The following ME3 variants were observed in gnomAD, a reference collection of about 807,000 sequenced individuals.
ME3 encodes NADP-dependent malic enzyme, mitochondrial.
Under a neutral mutation model 68.9 loss-of-function variants are expected in ME3, and 48 were observed. That is an observed-to-expected ratio of 0.70 (90% CI 0.55 to 0.89). ME3 has a LOEUF of 0.89. Ranked by LOEUF, ME3 falls within the 40% of genes least tolerant of loss-of-function variation. ME3 has a pLI of 0.00. For missense variants in ME3, 675 were observed against 797.4 expected, an observed-to-expected ratio of 0.85 and a Z score of 1.85; for synonymous variants, 320 against 318.8, an observed-to-expected ratio of 1.00 and a Z score of -0.04.
intron 4 of ME3, among the ~76,000 whole-genome samples, chr11:86,525,229 G>T (rs1954644813): frequency 1.3e-5 from 2 of 152,194 alleles, no homozygotes; most frequent in Admixed American, 6.5e-5. Flanking sequence ...CAATAGAGCA[G>T]TGACAATTAA....
intron 4 of ME3, among the ~76,000 whole-genome samples, chr11:86,548,317 A>C (rs1478839286): frequency 1.3e-5 from 2 of 152,230 alleles, no homozygotes; most frequent in African/African-American, 4.8e-5. Context: ...TATTTCAGCA[A>C]TGTGGGATCT....
intron 7 of ME3, among the ~76,000 whole-genome samples, chr11:86,465,826 C>T (rs1950449513): frequency 6.6e-6 from 1 of 152,170 alleles, no homozygotes; most frequent in South Asian, 2.1e-4. Context: ...GTAGAAGAAT[C>T]AGTTACTGAC....
chr11:86,538,611 C>T (rs1955842953), intron 4 of ME3, among the ~76,000 whole-genome samples: 1 of 152,148 alleles, frequency 6.6e-6, no homozygotes, highest in Admixed American at 6.5e-5. Context: ...CTTTCTTGGC[C>T]TCTTGGATTT....
At chr11:86,521,007 C>T (rs1954234143) in intron 4 of ME3, among the ~76,000 whole-genome samples, 1 of 152,192 alleles carries the variant, frequency 6.6e-6, no homozygotes, top group African/African-American at 2.4e-5. Flanking sequence ...GCTAGACAGA[C>T]CTGGGTTCAA....
intron 2 of ME3, among the ~76,000 whole-genome samples, chr11:86,646,339 G>C (rs1254723862): frequency 6.6e-6 from 1 of 152,188 alleles, no homozygotes. Context: ...AGAATAACCA[G>C]TTTAGAGAAG....
At chr11:86,671,326 C>T (rs745306941) in intron 2 of ME3, among the ~76,000 whole-genome samples, 35 of 152,202 alleles carry the variant, frequency 2.3e-4, no homozygotes, top group Non-Finnish European at 4.4e-5. Context: ...AGGCACTGTT[C>T]TAACGTACCC....
chr11:86,469,969 A>G (rs1482423690), intron 7 of ME3, among the ~76,000 whole-genome samples: 2 of 152,016 alleles, frequency 1.3e-5, no homozygotes, highest in East Asian at 3.9e-4. Context: ...CCCAGGCCAC[A>G]ACCAACAGTG....
At chr11:86,435,695 A>G in the ME3 span, 1 of 152,270 alleles carries the variant, frequency 6.6e-6, no homozygotes, top group African/African-American at 2.4e-5. Context: ...TTCTCAGAGA[A>G]CATCTATGGG....
chr11:86,532,141 A>G (rs1318919379), intron 4 of ME3, among the ~76,000 whole-genome samples: 1 of 152,204 alleles, frequency 6.6e-6, no homozygotes, highest in African/African-American at 2.4e-5. Context: ...AGATCATTAT[A>G]TAATGATAAA....
At chr11:86,552,371 T>TC (rs1956733932) in intron 4 of ME3, among the ~76,000 whole-genome samples, 1 of 152,088 alleles carries the variant, frequency 6.6e-6, no homozygotes, top group Non-Finnish European at 1.5e-5. Flanking sequence ...GGCTCCTGAG[T>TC]CCCCTCTGAC....
intron 2 of ME3, among the ~76,000 whole-genome samples, chr11:86,609,167 T>A (rs1410772082): frequency 1.3e-5 from 2 of 152,190 alleles, no homozygotes; most frequent in African/African-American, 4.8e-5. Context: ...AGGTTTATTC[T>A]CTTAAACACA....
chr11:86,649,397 C>G (rs1317129172), intron 2 of ME3, among the ~76,000 whole-genome samples: 1 of 152,194 alleles, frequency 6.6e-6, no homozygotes. Flanking sequence ...CCTTTGAAAA[C>G]TGGCACAAGA....
intron 7 of ME3, among the ~76,000 whole-genome samples, chr11:86,476,677 C>T (rs1403144014): frequency 6.6e-6 from 1 of 152,134 alleles, no homozygotes; most frequent in Admixed American, 6.5e-5. Context: ...TCTATGTACA[C>T]ATGAATCTAC....
chr11:86,640,388 G>A (rs1944594945), intron 2 of ME3, among the ~76,000 whole-genome samples: 1 of 152,204 alleles, frequency 6.6e-6, no homozygotes, highest in African/African-American at 2.4e-5. Context: ...ACCCTGAAGT[G>A]CTTCAAGCTG....
intron 7 of ME3, among the ~76,000 whole-genome samples, chr11:86,481,208 ATTTTTTTT>A (rs71040240): frequency 9.4e-6 from 1 of 105,898 alleles, no homozygotes; most frequent in Non-Finnish European, 1.8e-5. Flanking sequence ...CACCCAGCTG[ATTTTTTTT>A]TTTTTTTTTT....
intron 12 of ME3, among the ~76,000 whole-genome samples, chr11:86,446,711 G>T (rs1949323377): frequency 6.6e-6 from 1 of 152,206 alleles, no homozygotes; most frequent in African/African-American, 2.4e-5. Flanking sequence ...AGGTGATGGG[G>T]TTCACAGCAC....
intron 4 of ME3, among the ~76,000 whole-genome samples, chr11:86,534,081 GTATA>G (rs57566563): frequency 6.8e-4 from 87 of 127,468 alleles, no homozygotes; most frequent in Middle Eastern, 3.9e-3. Flanking sequence ...GTGTGTGTGT[GTATA>G]TATATATATA....
At chr11:86,547,803 C>G (rs965945793) in intron 4 of ME3, among the ~76,000 whole-genome samples, 1 of 152,106 alleles carries the variant, frequency 6.6e-6, no homozygotes, top group African/African-American at 2.4e-5. Flanking sequence ...GTACGTATTT[C>G]CTTCTCAGGG....
At chr11:86,538,865 C>T (rs1443852897) in intron 4 of ME3, among the ~76,000 whole-genome samples, 1 of 152,144 alleles carries the variant, frequency 6.6e-6, no homozygotes, top group Non-Finnish European at 1.5e-5. Flanking sequence ...GAGCCATTAC[C>T]CAGGAAATGT....
Sources: allele counts gnomAD v4.1 joint callset (sites outside exome capture counted in the v4.1 genomes callset), GRCh38; gene constraint gnomAD v4.1.1; transcripts MANE v1.5; gene names NCBI Gene and HGNC (gene_info 2026-07-23, HGNC 2026-07-21).